The following SLC14A2 variants were observed in gnomAD, a reference collection of about 807,000 sequenced individuals.
The protein encoded by SLC14A2 is solute carrier family 14 member 2, also known as urea transporter 2.
SLC14A2 carries 91 observed loss-of-function variants against 104.6 expected under a neutral mutation model. The observed-to-expected ratio is 0.87, with a 90% CI of 0.73 to 1.04. SLC14A2 has a LOEUF of 1.04. SLC14A2 is among the 50% of genes least tolerant of loss of function. The pLI, the probability that SLC14A2 is intolerant of heterozygous loss-of-function variation, is 0.00. For missense variants in SLC14A2, 1,189 were observed against 1,156.0 expected (o/e 1.03, Z -0.41); for synonymous variants, 476 against 466.4 (o/e 1.02, Z -0.27).
intron 1 of SLC14A2, among the ~76,000 whole-genome samples, chr18:45,394,990 A>G (rs796177136): frequency 6.6e-6 from 1 of 152,172 alleles, no homozygotes; most frequent in African/African-American, 2.4e-5. Context: ...AAAGAATTGA[A>G]ATCAGGTGGG....
chr18:45,433,916 G>A (rs557439023), intron 1 of SLC14A2, among the ~76,000 whole-genome samples: 1 of 152,168 alleles, frequency 6.6e-6, no homozygotes, highest in African/African-American at 2.4e-5. Context: ...GGAAGGGCCA[G>A]TGTTAGTCTG....
intron 1 of SLC14A2, among the ~76,000 whole-genome samples, chr18:45,367,970 C>G (rs1211246516): frequency 6.6e-6 from 1 of 152,040 alleles, no homozygotes; most frequent in East Asian, 1.9e-4. Context: ...CTGGTTGACA[C>G]CTTGGATTGA....
At chr18:45,287,756 G>A (rs556913106) in intron 1 of SLC14A2, among the ~76,000 whole-genome samples, 2 of 152,238 alleles carry the variant, frequency 1.3e-5, no homozygotes, top group South Asian at 4.2e-4. Flanking sequence ...TGCTTCTCGA[G>A]CCATTCGGGC....
chr18:45,572,203 A>G (rs1568281219), intron 2 of SLC14A2, among the ~76,000 whole-genome samples: 1 of 152,210 alleles, frequency 6.6e-6, no homozygotes, highest in Non-Finnish European at 1.5e-5. Context: ...GACTGGCTCC[A>G]TTGAGCCAGC....
intron 1 of SLC14A2, among the ~76,000 whole-genome samples, chr18:45,466,415 A>C (rs1256472178): frequency 6.6e-6 from 1 of 152,030 alleles, no homozygotes; most frequent in African/African-American, 2.4e-5. Context: ...GTTAGAGAGC[A>C]TGAAGGCTGA....
rs74985216 is a variant in SLC14A2 at position 45,229,433 on chromosome 18, T to TA, written c.-125+16251dup. Among the ~76,000 whole-genome samples, 238 of 151,046 alleles carry TA rather than the reference T, an allele frequency of 1.6e-3. 1 individual carries two copies. The highest frequency in any genetic ancestry group is 5.3e-3 in the African/African-American group (218 of 41,136). Reference sequence around the variant, plus strand: ...TTGTTTGTTTGTTTGTTTGTTTGTTTAAAAAAAAAGCCCTCTCCCACTGCC... The same window carrying TA: ...TTGTTTGTTTGTTTGTTTGTTTGTTTAAAAAAAAAAGCCCTCTCCCACTGCC... On this transcript the variant is annotated intron_variant, in intron 1 of 20. Coordinates refer to the SLC14A2 transcript ENST00000586448.
chr18:45,672,710 CT>C (rs2046161429), intron 16 of SLC14A2, among the ~76,000 whole-genome samples, 189 bp from the exon 17 acceptor site: 2 of 152,162 alleles, frequency 1.3e-5, no homozygotes, highest in Admixed American at 1.3e-4. Context: ...CATCAGTGTT[CT>C]AAGAACTCAA....
chr18:45,514,139 G>A (rs2043405245), intron 2 of SLC14A2, among the ~76,000 whole-genome samples: 1 of 152,138 alleles, frequency 6.6e-6, no homozygotes, highest in Non-Finnish European at 1.5e-5. Context: ...CTGCTATAAA[G>A]ACATGCCTGA....
chr18:45,659,078 G>A (rs1490378914), intron 10 of SLC14A2, among the ~76,000 whole-genome samples: 1 of 152,142 alleles, frequency 6.6e-6, no homozygotes, highest in Non-Finnish European at 1.5e-5. Context: ...GGAGGGGAGA[G>A]CAGCAGCTCC....
intron 1 of SLC14A2, among the ~76,000 whole-genome samples, chr18:45,282,974 T>C (rs2084778022): frequency 6.6e-6 from 1 of 152,178 alleles, no homozygotes; most frequent in South Asian, 2.1e-4. Flanking sequence ...AGACTAGAAA[T>C]ACCATCAACA....
intron 1 of SLC14A2, among the ~76,000 whole-genome samples, chr18:45,442,917 G>A (rs1286636758): frequency 6.6e-6 from 1 of 152,170 alleles, no homozygotes; most frequent in Non-Finnish European, 1.5e-5. Context: ...TCTGTGCATG[G>A]GGATTGGCAG....
intron 2 of SLC14A2, among the ~76,000 whole-genome samples, chr18:45,597,279 A>G (rs1376834588): frequency 6.6e-6 from 1 of 152,088 alleles, no homozygotes; most frequent in East Asian, 1.9e-4. Flanking sequence ...GTGAGCCAAG[A>G]TTCTGCTACT....
intron 1 of SLC14A2, among the ~76,000 whole-genome samples, chr18:45,277,416 T>C (rs577770124): frequency 6.6e-6 from 1 of 152,286 alleles, no homozygotes; most frequent in South Asian, 2.1e-4. Context: ...GTAGTTAGTT[T>C]TTCTTTTTTT....
chr18:45,403,134 C>T (rs145329942), intron 1 of SLC14A2, among the ~76,000 whole-genome samples: 1 of 152,256 alleles, frequency 6.6e-6, no homozygotes, highest in Non-Finnish European at 1.5e-5. Context: ...ACTCCCTTCT[C>T]GGCTTTCAGA....
At chr18:45,284,221 C>G (rs1031058390) in intron 1 of SLC14A2, among the ~76,000 whole-genome samples, 2 of 152,162 alleles carry the variant, frequency 1.3e-5, no homozygotes, top group Non-Finnish European at 2.9e-5. Context: ...AGGTTCCTGG[C>G]CTTCTGCCTG....
rs116400224 is a variant in SLC14A2, at chr18:45,297,482, A to C, written c.-125+84291A>C. Among the ~76,000 whole-genome samples the C allele has an allele frequency of 4.8e-3, 735 of 152,346 alleles. 4 individuals are homozygous for C. The highest frequency in any genetic ancestry group is 0.016 in the African/African-American group (668 of 41,586). On this transcript the variant is annotated intron_variant, in intron 1 of 20. Transcript: ENST00000586448. Reference sequence around the variant, plus strand: ...GTTTGGCTGGTAAAGATGAGTGGGTAGCATGTCAGCCTGGGTGCTCCGCAC... The same window carrying C: ...GTTTGGCTGGTAAAGATGAGTGGGTCGCATGTCAGCCTGGGTGCTCCGCAC...
intron 1 of SLC14A2, among the ~76,000 whole-genome samples, chr18:45,388,581 G>C (rs1050326104): frequency 3.3e-5 from 5 of 152,130 alleles, no homozygotes; most frequent in African/African-American, 1.2e-4. Context: ...AATACCTGGG[G>C]TTGAAGATTT....
chr18:45,450,739 C>G (rs2086844603), intron 1 of SLC14A2, among the ~76,000 whole-genome samples: 1 of 152,208 alleles, frequency 6.6e-6, no homozygotes, highest in Admixed American at 6.5e-5. Context: ...TAACTGTAGC[C>G]TCTGTGCTTG....
chr18:45,561,877 G>A (rs946986000), intron 2 of SLC14A2, among the ~76,000 whole-genome samples: 1 of 151,602 alleles, frequency 6.6e-6, no homozygotes, highest in Non-Finnish European at 1.5e-5. Flanking sequence ...TTTCTATTTG[G>A]GGATCTATAT....
Sources: allele counts gnomAD v4.1 joint callset (sites outside exome capture counted in the v4.1 genomes callset), GRCh38; gene constraint gnomAD v4.1.1; transcripts MANE v1.5; gene names NCBI Gene and HGNC (gene_info 2026-07-23, HGNC 2026-07-21).